The following RAB38 variants were observed in gnomAD, a reference collection of about 807,000 sequenced individuals.
RAB38 encodes the protein RAB38, member RAS oncogene family.
A neutral mutation model predicts 18.4 loss-of-function variants in RAB38; 15 were observed. The observed-to-expected ratio is 0.82, with a 90% CI of 0.55 to 1.26. RAB38 has a LOEUF of 1.26. RAB38 is among the 50% of genes most tolerant of loss of function. The pLI, the probability that RAB38 is intolerant of heterozygous loss-of-function variation, is 0.00. For missense variants in RAB38, 294 were observed against 267.4 expected (o/e 1.10, Z -0.69); for synonymous variants, 101 against 104.4 (o/e 0.97, Z 0.20).
the RAB38 span, among the ~76,000 whole-genome samples, chr11:88,074,519 C>G: frequency 0.12 from 17,546 of 151,928 alleles, 2,009 homozygotes; most frequent in East Asian, 0.33. Context: ...TTTTGTAAGC[C>G]TCATAGTAAC....
the RAB38 span, among the ~76,000 whole-genome samples, chr11:87,951,293 C>T: frequency 1.3e-5 from 2 of 151,940 alleles, no homozygotes; most frequent in South Asian, 4.1e-4. Context: ...ATCCATTCTT[C>T]TAATTTTTTT....
chr11:88,106,335 A>G, the RAB38 span, among the ~76,000 whole-genome samples: 1 of 152,172 alleles, frequency 6.6e-6, no homozygotes, highest in African/African-American at 2.4e-5. Flanking sequence ...ATACAAATTT[A>G]TGTTACACAT....
chr11:87,945,424 G>A, the RAB38 span, among the ~76,000 whole-genome samples: 1 of 152,144 alleles, frequency 6.6e-6, no homozygotes, highest in African/African-American at 2.4e-5. Context: ...TTACTGAAAT[G>A]GAGCAATTTA....
At chr11:87,963,867 C>T in the RAB38 span, among the ~76,000 whole-genome samples, 1 of 151,910 alleles carries the variant, frequency 6.6e-6, no homozygotes, top group Admixed American at 6.6e-5. Flanking sequence ...AGGCTGGTCT[C>T]GAACTCCTGA....
chr11:88,083,849 A>G, the RAB38 span, among the ~76,000 whole-genome samples: 695 of 152,036 alleles, frequency 4.6e-3, 4 homozygotes, highest in African/African-American at 0.016. Context: ...TAGATTTTGA[A>G]CTTCCCTGCC....
At chr11:88,106,798 T>A in the RAB38 span, among the ~76,000 whole-genome samples, 8 of 152,196 alleles carry the variant, frequency 5.3e-5, no homozygotes, top group Non-Finnish European at 1.2e-4. Context: ...GGATTTTTCA[T>A]GATCTTTTCT....
chr11:88,141,452 GA>G (rs1202625875), intron 2 of RAB38, among the ~76,000 whole-genome samples: 1 of 152,170 alleles, frequency 6.6e-6, no homozygotes, highest in East Asian at 1.9e-4. Context: ...TGCTGAGGTT[GA>G]AAAACCCTAC....
chr11:88,063,730 T>A, the RAB38 span, among the ~76,000 whole-genome samples: 1 of 152,134 alleles, frequency 6.6e-6, no homozygotes, highest in African/African-American at 2.4e-5. Flanking sequence ...TTATTGGTTT[T>A]AAAAAGGAGA....
At chr11:88,100,112 T>C in the RAB38 span, 1 of 151,898 alleles carries the variant, frequency 6.6e-6, no homozygotes, top group Admixed American at 6.6e-5. Flanking sequence ...TTAGAAAAAG[T>C]GTTTAATCAT....
chr11:88,004,051 G>A, the RAB38 span, among the ~76,000 whole-genome samples: 4 of 139,486 alleles, frequency 2.9e-5, no homozygotes, highest in East Asian at 2.1e-4. Flanking sequence ...ATGGGAGAAG[G>A]TATATATATA....
the RAB38 span, among the ~76,000 whole-genome samples, chr11:87,821,297 T>C: frequency 1.3e-5 from 2 of 152,202 alleles, no homozygotes; most frequent in African/African-American, 2.4e-5. Flanking sequence ...CCACAGATGC[T>C]AGAATAATAT....
At chr11:88,029,454 G>A in the RAB38 span, among the ~76,000 whole-genome samples, 1 of 152,104 alleles carries the variant, frequency 6.6e-6, no homozygotes, top group African/African-American at 2.4e-5. Flanking sequence ...AAAGAGTCAA[G>A]ACCCATCAGT....
At chr11:88,049,502 A>C in the RAB38 span, among the ~76,000 whole-genome samples, 1 of 150,766 alleles carries the variant, frequency 6.6e-6, no homozygotes, top group Non-Finnish European at 1.5e-5. Flanking sequence ...CAAATCTTAT[A>C]AAACGGCCCC....
chr11:88,143,908 C>T (rs911359964), intron 2 of RAB38, among the ~76,000 whole-genome samples: 1 of 152,106 alleles, frequency 6.6e-6, no homozygotes, highest in South Asian at 2.1e-4. Flanking sequence ...TAGGGAACCT[C>T]TAGAGAATTG....
chr11:87,945,555 C>T, the RAB38 span, among the ~76,000 whole-genome samples: 1 of 151,938 alleles, frequency 6.6e-6, no homozygotes, highest in South Asian at 2.1e-4. Flanking sequence ...AAGGAAGGAG[C>T]AGTAAGGATG....
At chr11:87,855,381 C>T in the RAB38 span, among the ~76,000 whole-genome samples, 1 of 152,114 alleles carries the variant, frequency 6.6e-6, no homozygotes, top group East Asian at 1.9e-4. Context: ...TCCATTTCAA[C>T]CAGACCCCTG....
At chr11:87,823,493 C>G in the RAB38 span, among the ~76,000 whole-genome samples, 1 of 151,668 alleles carries the variant, frequency 6.6e-6, no homozygotes, top group Non-Finnish European at 1.5e-5. Context: ...TCCTTTTACA[C>G]TAATCTATTT....
chr11:88,007,516 T>C, the RAB38 span, among the ~76,000 whole-genome samples: 1 of 151,998 alleles, frequency 6.6e-6, no homozygotes, highest in Non-Finnish European at 1.5e-5. Flanking sequence ...TATAAATTAT[T>C]AGCCAAATGC....
the RAB38 span, among the ~76,000 whole-genome samples, chr11:87,892,128 T>C: frequency 6.6e-6 from 1 of 151,786 alleles, no homozygotes; most frequent in Non-Finnish European, 1.5e-5. Flanking sequence ...CAAACTGCCA[T>C]GTGCAGTCTG....
Sources: allele counts gnomAD v4.1 joint callset (sites outside exome capture counted in the v4.1 genomes callset), GRCh38; gene constraint gnomAD v4.1.1; transcripts MANE v1.5; gene names NCBI Gene and HGNC (gene_info 2026-07-23, HGNC 2026-07-21).